Variants in PEX7 observed in about 807,000 individuals in gnomAD.
PEX7 encodes peroxisomal biogenesis factor 7, also known as PTS2 receptor.
PEX7 carries 34 observed loss-of-function variants against 47.5 expected under a neutral mutation model. That is an observed-to-expected ratio of 0.72 (90% CI 0.54 to 0.95). The LOEUF (loss-of-function observed/expected upper bound fraction) is 0.95. Ranked by LOEUF, PEX7 falls within the 40% of genes least tolerant of loss-of-function variation. PEX7 has a pLI of 0.00. For missense variants in PEX7, 394 were observed against 400.3 expected, an observed-to-expected ratio of 0.98 and a Z score of 0.13; for synonymous variants, 141 against 148.8, an observed-to-expected ratio of 0.95 and a Z score of 0.38.
chr6:136,913,846 A>G lies in PEX7; in HGVS notation c.*320A>G. ...GTAGGTTATACTTATATAGATAGTG[A>G]TATATTTCATTTTTAATTTGTCATT... On this transcript the variant is annotated 3_prime_UTR_variant, in exon 10 of 10. Transcript: ENST00000318471. 4.1e-6 allele frequency: 1 copy of G among 244,486 alleles called. No individual in the cohort carries two copies. Among genetic ancestry groups the G allele is most frequent in the Non-Finnish European group, 7.9e-6 (1 of 126,050 alleles). 15.1% of individuals were successfully genotyped at this position (244,486 alleles called of 1,614,324 possible). A position where few individuals can be genotyped will look rare whatever the true frequency, so the allele number is the denominator to read the frequency against.
At chr6:136,882,437 C>T (rs1402686225) in intron 8 of PEX7, among the ~76,000 whole-genome samples, 1 of 152,050 alleles carries the variant, frequency 6.6e-6, no homozygotes, top group Non-Finnish European at 1.5e-5. Context: ...CACAGCCTCC[C>T]AAAGTGCTGG....
rs978492360 is a variant in PEX7, at chr6:136,822,874, G to C, written c.130+79G>C. 5 of 1,225,670 alleles carry C rather than the reference G, an allele frequency of 4.1e-6. No homozygotes were observed. In the African/African-American group the frequency reaches 4.8e-5, roughly 12 times the overall value. 75.9% of individuals were successfully genotyped at this position (1,225,670 alleles called of 1,614,324 possible). ...AGCCGGGCTCCAGTTCCTCGCGCTC[G>C]AGGGAAAGCCCCTCTGAGCGTAGAC... On this transcript the variant is annotated intron_variant, in intron 1 of 9. Coordinates refer to ENST00000318471, the MANE Select transcript of PEX7 (RefSeq NM_000288.4).
intron 9 of PEX7, among the ~76,000 whole-genome samples, chr6:136,904,610 A>C (rs1427811306): frequency 6.7e-6 from 1 of 148,648 alleles, no homozygotes; most frequent in East Asian, 2.0e-4. Flanking sequence ...TGGTTCTATA[A>C]GGGGGAGTTT....
At chr6:136,836,196 A>G (rs1482655051) in intron 3 of PEX7, among the ~76,000 whole-genome samples, 2 of 150,678 alleles carry the variant, frequency 1.3e-5, no homozygotes, top group Non-Finnish European at 2.9e-5. Flanking sequence ...AATTATTGGT[A>G]GAGCTATGTA....
intron 5 of PEX7, among the ~76,000 whole-genome samples, chr6:136,849,417 C>A (rs2115178367): frequency 6.6e-6 from 1 of 152,196 alleles, no homozygotes; most frequent in Admixed American, 6.6e-5. Flanking sequence ...TTTGCTCTTG[C>A]TTCTCTAGTT....
intron 8 of PEX7, among the ~76,000 whole-genome samples, chr6:136,876,135 T>TCACACCATTCTCCTGCCTC (rs886654235): frequency 1.4e-4 from 22 of 152,194 alleles, no homozygotes; most frequent in African/African-American, 4.8e-4. Flanking sequence ...CCTCCTGGGT[T>TCACACCATTCTCCTGCCTC]CACACCATTC....
intron 4 of PEX7, 132 bp downstream of exon 4, chr6:136,845,824 T>A: frequency 2.8e-6 from 2 of 715,426 alleles, no homozygotes; most frequent in Non-Finnish European, 4.9e-6. Flanking sequence ...AAAAAAAAAA[T>A]TAAAACACTT....
chr6:136,877,553 C>A (rs1014867218), intron 8 of PEX7, among the ~76,000 whole-genome samples: 1 of 152,190 alleles, frequency 6.6e-6, no homozygotes, highest in Non-Finnish European at 1.5e-5. Context: ...TTTTCCAACA[C>A]CATTTATTAA....
chr6:136,843,126 C>T (rs1402248419), intron 3 of PEX7, among the ~76,000 whole-genome samples: 4 of 152,112 alleles, frequency 2.6e-5, no homozygotes, highest in South Asian at 4.1e-4. Context: ...CCTCACATTG[C>T]GATTAAAAGT....
At position 136,826,328 on chromosome 6, in the gene PEX7, G is replaced by T; in HGVS notation, c.198G>T (p.Trp66Cys). 1.2e-6 allele frequency: 2 copies of T among 1,613,928 alleles called. No individual in the cohort carries two copies. The highest frequency in any genetic ancestry group is 1.7e-6 in the Non-Finnish European group (2 of 1,180,008). ...AGLRLFRSFD[W>C]NDGLFDVTWS... ...TTTTTTCCTAGTGTAGCTTTGACTGGAATGATGGTTTGTTTGATGTGACTT... is the reference window on the plus strand; with the variant it reads ...TTTTTTCCTAGTGTAGCTTTGACTGTAATGATGGTTTGTTTGATGTGACTT... The change falls in exon 3 of 10, where the codon TGG becomes TGT. Residue 66 changes from tryptophan (W) to cysteine (C), a missense_variant. Trp to Cys is a radical substitution (Grantham distance 215). Coordinates refer to ENST00000318471, the MANE Select transcript of PEX7 (RefSeq NM_000288.4).
At chr6:136,835,659 G>T (rs1723564103) in intron 3 of PEX7, among the ~76,000 whole-genome samples, 1 of 152,170 alleles carries the variant, frequency 6.6e-6, no homozygotes, top group South Asian at 2.1e-4. Context: ...ATTATTTAAA[G>T]ATTCCCAGAT....
intron 8 of PEX7, among the ~76,000 whole-genome samples, chr6:136,890,760 C>T (rs1317849815): frequency 6.6e-6 from 1 of 152,170 alleles, no homozygotes; most frequent in Admixed American, 6.5e-5. Context: ...GCATAGGCAG[C>T]TGCTGTAAGC....
chr6:136,859,857 T>C (rs1379202715), intron 5 of PEX7, among the ~76,000 whole-genome samples: 1 of 152,016 alleles, frequency 6.6e-6, no homozygotes, highest in African/African-American at 2.4e-5. Context: ...ACCCCATCTC[T>C]ACTAAAAACT....
At chr6:136,902,502 A>G (rs1354274948) in intron 9 of PEX7, among the ~76,000 whole-genome samples, 1 of 152,212 alleles carries the variant, frequency 6.6e-6, no homozygotes, top group African/African-American at 2.4e-5. Context: ...GTCTGGGGTC[A>G]TTCTTTAAGG....
rs1208528237 is a variant in PEX7 at position 136,822,731 on chromosome 6, C to A, written c.66C>A (p.Ala22=). 1.3e-6 allele frequency: 2 copies of A among 1,512,486 alleles called. No homozygotes were observed. Among genetic ancestry groups the A allele is most frequent in the East Asian group, 2.6e-5 (1 of 38,202 alleles). The allele number at this position is 1,512,486 out of a possible 1,614,324, so 93.7% of individuals were successfully genotyped here. ...CGCCGGGACGCCACGGCTACGCCGC[C>A]GAGTTCTCCCCGTACCTGCCGGGCC... ...LRTPGRHGYA[A]EFSPYLPGRL... Residue 22 remains alanine (A), a synonymous_variant, in exon 1 of 10, where the codon GCC becomes GCA. Coordinates refer to ENST00000318471, the MANE Select transcript of PEX7 (RefSeq NM_000288.4).
chr6:136,892,042 A>G (rs545151415), intron 8 of PEX7, among the ~76,000 whole-genome samples: 1 of 152,226 alleles, frequency 6.6e-6, no homozygotes. Context: ...GTGATTATAG[A>G]AAGAGAGTTG....
intron 9 of PEX7, among the ~76,000 whole-genome samples, chr6:136,901,972 A>G (rs1306275735): frequency 6.6e-6 from 1 of 151,994 alleles, no homozygotes; most frequent in Non-Finnish European, 1.5e-5. Context: ...TTTAGTAGAG[A>G]TGGGGTTTCT....
intron 3 of PEX7, among the ~76,000 whole-genome samples, chr6:136,830,938 A>G (rs574503278): frequency 6.6e-6 from 1 of 152,240 alleles, no homozygotes; most frequent in Non-Finnish European, 1.5e-5. Flanking sequence ...TGACCTAAGT[A>G]TACAACTATT....
At chr6:136,888,087 A>C (rs550602111) in intron 8 of PEX7, among the ~76,000 whole-genome samples, 5 of 152,066 alleles carry the variant, frequency 3.3e-5, no homozygotes, top group Non-Finnish European at 5.9e-5. Flanking sequence ...TTCCCCTTAA[A>C]AAAAGGTCAG....
Sources: allele counts gnomAD v4.1 joint callset (sites outside exome capture counted in the v4.1 genomes callset), GRCh38; gene constraint gnomAD v4.1.1; transcripts MANE v1.5; gene names NCBI Gene and HGNC (gene_info 2026-07-23, HGNC 2026-07-21).